Variants in GSG1L observed in about 807,000 individuals in gnomAD.
GSG1L encodes the protein GSG1 like.
A neutral mutation model predicts 42.1 loss-of-function variants in GSG1L; 24 were observed. The observed-to-expected ratio is 0.57, with a 90% CI of 0.41 to 0.80. GSG1L has a LOEUF of 0.80. GSG1L is among the 30% of genes least tolerant of loss of function. The pLI, the probability that GSG1L is intolerant of heterozygous loss-of-function variation, is 0.00. For missense variants in GSG1L, 445 were observed against 472.2 expected, an observed-to-expected ratio of 0.94 and a Z score of 0.53; for synonymous variants, 215 against 203.5, an observed-to-expected ratio of 1.06 and a Z score of -0.48.
At chr16:27,973,498 G>C (rs1362978173) in intron 1 of GSG1L, among the ~76,000 whole-genome samples, 1 of 135,574 alleles carries the variant, frequency 7.4e-6, no homozygotes, top group Non-Finnish European at 1.5e-5. Flanking sequence ...GGCTTTCGTT[G>C]TCATCACTGT....
chr16:27,814,721 G>A (rs978822716), intron 5 of GSG1L, among the ~76,000 whole-genome samples: 1 of 151,290 alleles, frequency 6.6e-6, no homozygotes, highest in African/African-American at 2.4e-5. Context: ...AGGGAGAGAG[G>A]GAAGGAGGAA....
intron 2 of GSG1L, among the ~76,000 whole-genome samples, chr16:27,917,975 T>A (rs2084478054): frequency 6.6e-6 from 1 of 152,128 alleles, no homozygotes; most frequent in Non-Finnish European, 1.5e-5. Context: ...CAAATCCTTC[T>A]ACTGTGGCAG....
intron 5 of GSG1L, among the ~76,000 whole-genome samples, chr16:27,822,477 C>A (rs1035985357): frequency 6.6e-6 from 1 of 152,120 alleles, no homozygotes; most frequent in African/African-American, 2.4e-5. Flanking sequence ...AGAGCAGCGG[C>A]GCCATCATAG....
chr16:28,029,619 G>T (rs1215642804), intron 1 of GSG1L, among the ~76,000 whole-genome samples: 2 of 152,122 alleles, frequency 1.3e-5, no homozygotes, highest in African/African-American at 2.4e-5. Flanking sequence ...GTGGATGAAT[G>T]GATGGGTGGG....
chr16:27,891,645 A>C (rs1437670374), intron 2 of GSG1L, among the ~76,000 whole-genome samples: 1 of 151,522 alleles, frequency 6.6e-6, no homozygotes, highest in Non-Finnish European at 1.5e-5. Context: ...ACTAATTTTT[A>C]ATTGTTTTGT....
At chr16:27,888,467 TCTCTCTCTC>T (rs1567505769) in intron 2 of GSG1L, among the ~76,000 whole-genome samples, 6 of 70,514 alleles carry the variant, frequency 8.5e-5, no homozygotes, top group Admixed American at 1.9e-4. Flanking sequence ...TTTCTTTCTC[TCTCTCTCTC>T]TCTTTCCTTT....
At chr16:28,054,852 G>A (rs944773055) in intron 1 of GSG1L, among the ~76,000 whole-genome samples, 1 of 152,038 alleles carries the variant, frequency 6.6e-6, no homozygotes, top group African/African-American at 2.4e-5. Context: ...GCTGCCAAAT[G>A]TGAACAATCA....
At chr16:27,801,664 C>T (rs773921833) in intron 6 of GSG1L, among the ~76,000 whole-genome samples, 102 of 152,302 alleles carry the variant, frequency 6.7e-4, no homozygotes, top group Non-Finnish European at 1.1e-3. Flanking sequence ...AGGACCGAGG[C>T]CATGTCTGGA....
At chr16:27,958,023 T>C (rs997742344) in intron 2 of GSG1L, among the ~76,000 whole-genome samples, 1 of 152,144 alleles carries the variant, frequency 6.6e-6, no homozygotes, top group African/African-American at 2.4e-5. Context: ...TCCACCTCCA[T>C]GACTCAAACA....
chr16:27,938,346 C>T (rs2084743779), intron 2 of GSG1L, among the ~76,000 whole-genome samples: 1 of 150,594 alleles, frequency 6.6e-6, no homozygotes, highest in Non-Finnish European at 1.5e-5. Flanking sequence ...CGAGATCACA[C>T]CACTGCACTC....
intron 5 of GSG1L, among the ~76,000 whole-genome samples, chr16:27,808,779 C>T (rs1346715473): frequency 6.6e-6 from 1 of 152,210 alleles, no homozygotes; most frequent in Non-Finnish European, 1.5e-5. Context: ...AAGAGCTTCT[C>T]AGTGTGGTTT....
chr16:28,062,992 G>T, intron 1 of GSG1L, 84 bp downstream of exon 1: 2 of 1,225,284 alleles, frequency 1.6e-6, no homozygotes, highest in South Asian at 6.5e-5. Context: ...GGAGGAGGGC[G>T]AACGGGTCCG....
chr16:27,813,789 G>T (rs948246302), intron 5 of GSG1L, among the ~76,000 whole-genome samples: 3 of 152,244 alleles, frequency 2.0e-5, no homozygotes, highest in African/African-American at 7.2e-5. Context: ...AACACGGAGG[G>T]GACAAGGGTA....
intron 1 of GSG1L, among the ~76,000 whole-genome samples, chr16:27,991,901 C>T (rs1012297338): frequency 1.3e-5 from 2 of 152,098 alleles, no homozygotes; most frequent in Non-Finnish European, 2.9e-5. Flanking sequence ...CCATACCAAG[C>T]GTCTTCTCTC....
chr16:27,804,060 T>C (rs1466540015), intron 6 of GSG1L, among the ~76,000 whole-genome samples: 4 of 151,026 alleles, frequency 2.6e-5, no homozygotes, highest in Non-Finnish European at 4.4e-5. Context: ...GATAGATAGA[T>C]AGATAGATAG....
intron 1 of GSG1L, among the ~76,000 whole-genome samples, chr16:27,973,070 T>C (rs1343027815): frequency 6.6e-6 from 1 of 152,126 alleles, no homozygotes; most frequent in Non-Finnish European, 1.5e-5. Flanking sequence ...CTTTATTTCC[T>C]TGTTGGCGAA....
At chr16:27,877,067 G>A (rs540603572) in intron 3 of GSG1L, among the ~76,000 whole-genome samples, 1 of 152,192 alleles carries the variant, frequency 6.6e-6, no homozygotes, top group South Asian at 2.1e-4. Flanking sequence ...GAGGAGCTGG[G>A]GGAGGAACAG....
At chr16:27,798,490 C>G (rs529567186) in intron 6 of GSG1L, among the ~76,000 whole-genome samples, 94 of 152,210 alleles carry the variant, frequency 6.2e-4, no homozygotes, top group Middle Eastern at 3.4e-3. Context: ...TGTGAAAAAC[C>G]TAGCAATATT....
chr16:27,857,355 G>A (rs955234103), intron 3 of GSG1L, among the ~76,000 whole-genome samples: 16 of 151,106 alleles, frequency 1.1e-4, no homozygotes, highest in African/African-American at 3.4e-4. Context: ...TTGAACCCAG[G>A]AGGCAGAGGT....
Sources: allele counts gnomAD v4.1 joint callset (sites outside exome capture counted in the v4.1 genomes callset), GRCh38; gene constraint gnomAD v4.1.1; transcripts MANE v1.5; gene names NCBI Gene and HGNC (gene_info 2026-07-23, HGNC 2026-07-21).